The following EPHA6 variants were observed in gnomAD, a reference collection of about 807,000 sequenced individuals.
EPHA6 encodes the protein EPH receptor A6.
EPHA6 carries 50 observed loss-of-function variants against 112.0 expected under a neutral mutation model. The observed-to-expected ratio is 0.45, with a 90% confidence interval of 0.36 to 0.56. EPHA6 has a LOEUF of 0.56. Ranked by LOEUF, EPHA6 falls within the 20% of genes least tolerant of loss-of-function variation. The pLI is 0.00. For synonymous variants in EPHA6, 529 were observed against 490.7 expected (o/e 1.08, Z -1.03); for missense variants, 1,280 against 1,417.4 (o/e 0.90, Z 1.56).
chr3:97,211,141 G>A (rs766686844), intron 3 of EPHA6, among the ~76,000 whole-genome samples: 3 of 152,172 alleles, frequency 2.0e-5, no homozygotes, highest in Non-Finnish European at 4.4e-5. Context: ...AGAAGAGAAC[G>A]GAGGCCTAAC....
rs566036987 is a variant in EPHA6, at chr3:97,455,625, C to T, written c.1894+6895C>T. Among the ~76,000 whole-genome samples the T allele has an allele frequency of 3.9e-5, 6 of 152,054 alleles. No homozygotes were observed. In the South Asian group the frequency reaches 1.0e-3, roughly 26 times the overall value. On this transcript the variant is annotated intron_variant, in intron 7 of 17. Transcript: ENST00000389672. ...TTAGCATAATGTCTTTGAATATAAGCGGATTTTCAGAAGACTATTTATAAA... is the reference window on the plus strand; with the variant it reads ...TTAGCATAATGTCTTTGAATATAAGTGGATTTTCAGAAGACTATTTATAAA...
Position 97,638,003 on chromosome 3 carries a change from G to A in EPHA6, c.2705G>A (p.Ser902Asn). 6.2e-7 allele frequency: 1 copy of A among 1,613,936 alleles called. No homozygotes were observed. The highest frequency in any genetic ancestry group is 8.5e-7 in the Non-Finnish European group (1 of 1,179,842). Residue 902 changes from serine to asparagine, a missense_variant, in exon 14 of 18, where the codon AGC becomes AAC. By Grantham distance (46) the Ser-to-Asn change is conservative (BLOSUM62 1). This residue lies in a region of EPHA6 where 878 missense variants were observed against 999.7 expected (regional missense o/e 0.88). Transcript: ENST00000389672. ...GCGGCTCGGAATATACTGGTCAATA[G>A]CAACTTAGTATGCAAAGTTTCTGAT... ...DLAARNILVN[S>N]NLVCKVSDFG...
intron 14 of EPHA6, among the ~76,000 whole-genome samples, chr3:97,655,985 T>C (rs375998467): frequency 3.3e-5 from 5 of 152,080 alleles, no homozygotes; most frequent in Admixed American, 1.3e-4. Flanking sequence ...GTTTTTTTTT[T>C]ATTTTTCTTA....
chr3:97,430,718 CT>C (rs2107230751), intron 6 of EPHA6, among the ~76,000 whole-genome samples: 1 of 152,192 alleles, frequency 6.6e-6, no homozygotes, highest in African/African-American at 2.4e-5. Flanking sequence ...AAATGAACCA[CT>C]TTTTATAAAG....
intron 1 of EPHA6, among the ~76,000 whole-genome samples, chr3:96,825,585 G>A (rs2033603410): frequency 6.6e-6 from 1 of 151,722 alleles, no homozygotes; most frequent in Non-Finnish European, 1.5e-5. Flanking sequence ...AATTGCTGGT[G>A]TTCTTTAATA....
intron 7 of EPHA6, among the ~76,000 whole-genome samples, chr3:97,460,669 T>A (rs1277395314): frequency 1.3e-5 from 2 of 152,192 alleles, no homozygotes; most frequent in African/African-American, 4.8e-5. Context: ...CCCCTCTTCC[T>A]GGGGACAGTC....
intron 10 of EPHA6, among the ~76,000 whole-genome samples, chr3:97,521,553 A>G (rs965408654): frequency 6.6e-6 from 1 of 152,204 alleles, no homozygotes; most frequent in Non-Finnish European, 1.5e-5. Context: ...AGATCTCATG[A>G]GAACATGAGA....
intron 14 of EPHA6, chr3:97,648,678 T>C (rs1291137883): frequency 9.6e-7 from 1 of 1,044,502 alleles, no homozygotes; most frequent in Non-Finnish European, 1.2e-6. Context: ...TCACTCACTT[T>C]GTCTCTTAAA....
At chr3:97,404,178 A>T (rs1044472684) in intron 5 of EPHA6, among the ~76,000 whole-genome samples, 3 of 152,188 alleles carry the variant, frequency 2.0e-5, no homozygotes, top group African/African-American at 7.2e-5. Context: ...GATTCCAAAA[A>T]GCCAAAGTAT....
intron 11 of EPHA6, among the ~76,000 whole-genome samples, chr3:97,555,048 T>G (rs2093083893): frequency 6.6e-6 from 1 of 152,036 alleles, no homozygotes. Context: ...TCATTTAGCA[T>G]TAGGTATATC....
At chr3:97,522,674 G>T (rs959992949) in intron 10 of EPHA6, among the ~76,000 whole-genome samples, 1 of 152,004 alleles carries the variant, frequency 6.6e-6, no homozygotes, top group Non-Finnish European at 1.5e-5. Context: ...AATAAAGTCT[G>T]GGCTTTTCTT....
intron 3 of EPHA6, among the ~76,000 whole-genome samples, chr3:97,108,420 T>A (rs1378759169): frequency 1.3e-5 from 2 of 152,184 alleles, no homozygotes; most frequent in South Asian, 4.1e-4. Flanking sequence ...CAGAATGAGC[T>A]GCAGCAAATG....
intron 6 of EPHA6, among the ~76,000 whole-genome samples, chr3:97,418,164 C>A (rs1422309929): frequency 6.6e-6 from 1 of 150,880 alleles, no homozygotes; most frequent in Non-Finnish European, 1.5e-5. Flanking sequence ...AGAAAAAACT[C>A]AATAAATAGA....
intron 14 of EPHA6, among the ~76,000 whole-genome samples, chr3:97,657,076 AT>A (rs1197024756): frequency 6.6e-6 from 1 of 151,864 alleles, no homozygotes; most frequent in Admixed American, 6.6e-5. Flanking sequence ...CTGGTCCTTA[AT>A]TTTCTTTTTA....
intron 5 of EPHA6, among the ~76,000 whole-genome samples, chr3:97,325,660 T>C (rs1203196154): frequency 6.6e-6 from 1 of 152,114 alleles, no homozygotes; most frequent in Admixed American, 6.6e-5. Flanking sequence ...ATGGTATTTC[T>C]CTCACTTCAG....
intron 2 of EPHA6, among the ~76,000 whole-genome samples, chr3:96,959,367 G>C (rs764083727): frequency 6.6e-6 from 1 of 151,858 alleles, no homozygotes. Flanking sequence ...TTTTATTTTT[G>C]TTGTCTAGTT....
chr3:97,536,029 A>G (rs1173778361), intron 11 of EPHA6, among the ~76,000 whole-genome samples: 1 of 152,170 alleles, frequency 6.6e-6, no homozygotes, highest in African/African-American at 2.4e-5. Flanking sequence ...ATGCATCACA[A>G]TTTCATTAAC....
chr3:97,073,346 C>T (rs1318050144), intron 3 of EPHA6, among the ~76,000 whole-genome samples: 1 of 152,022 alleles, frequency 6.6e-6, no homozygotes, highest in African/African-American at 2.4e-5. Context: ...ATGTCATAAC[C>T]TCCTTCCTAA....
At chr3:97,369,615 C>T (rs1273708694) in intron 5 of EPHA6, among the ~76,000 whole-genome samples, 1 of 152,114 alleles carries the variant, frequency 6.6e-6, no homozygotes, top group Non-Finnish European at 1.5e-5. Flanking sequence ...AAATTGCTCT[C>T]ATCTTGTTTT....
Sources: gnomAD v4.1 joint callset for allele counts (sites outside exome capture counted in the v4.1 genomes callset) on GRCh38, gnomAD v4.1.1 for gene constraint, gnomAD v4.1.1 regional missense constraint, MANE v1.5 for transcripts, NCBI Gene and HGNC (gene_info 2026-07-23, HGNC 2026-07-21) for gene names.